ASIC2: variants seen among roughly 807,000 people sequenced by gnomAD.
ASIC2 encodes the protein acid sensing ion channel subunit 2, also known as acid-sensing ion channel 2.
Under a neutral mutation model 57.3 loss-of-function variants are expected in ASIC2, and 25 were observed. The observed-to-expected ratio is 0.44, with a 90% confidence interval of 0.32 to 0.61. The LOEUF (loss-of-function observed/expected upper bound fraction) is 0.61, where lower values mean the gene tolerates loss of function less well. ASIC2 is among the 20% of genes least tolerant of loss of function. The pLI is 0.06. For synonymous variants in ASIC2, 319 were observed against 307.5 expected, an observed-to-expected ratio of 1.04 and a Z score of -0.39; for missense variants, 641 against 738.1, an observed-to-expected ratio of 0.87 and a Z score of 1.52.
intron 1 of ASIC2, among the ~76,000 whole-genome samples, chr17:33,837,453 T>A (rs939310830): frequency 5.3e-5 from 8 of 152,262 alleles, no homozygotes; most frequent in Admixed American, 1.3e-4. Flanking sequence ...GTGCTCACTG[T>A]AATTTAGCCC....
chr17:33,563,799 C>CT (rs796886723), intron 1 of ASIC2, among the ~76,000 whole-genome samples: 58 of 152,298 alleles, frequency 3.8e-4, no homozygotes, highest in African/African-American at 1.4e-3. Context: ...CCAAGCCCAT[C>CT]TGTAGCAAAG....
chr17:33,740,429 G>A lies in ASIC2; in HGVS notation c.555+415549C>T, dbSNP rs1053265193. Among the ~76,000 whole-genome samples, 3 of 152,146 alleles carry A rather than the reference G, an allele frequency of 2.0e-5. No homozygotes were observed. In the South Asian group the frequency reaches 6.2e-4, roughly 32 times the overall value. The stretch of plus-strand genomic sequence containing the variant: ...TATGGCAGCAGGAAGAAAAAGTGCT[G>A]AGCAAAAAGGGGAAAAGCCTCTTAT... On this transcript the variant is annotated intron_variant, in intron 1 of 9. Coordinates refer to the ASIC2 transcript ENST00000359872.
intron 1 of ASIC2, among the ~76,000 whole-genome samples, chr17:33,258,511 G>A (rs1909158753): frequency 1.3e-5 from 2 of 152,198 alleles, no homozygotes; most frequent in African/African-American, 2.4e-5. Flanking sequence ...TCTAAATGAA[G>A]TGAGGGAGCG....
chr17:33,486,023 A>T (rs1913564947), intron 1 of ASIC2, among the ~76,000 whole-genome samples: 1 of 152,068 alleles, frequency 6.6e-6, no homozygotes, highest in Non-Finnish European at 1.5e-5. Context: ...CCTATAGCTC[A>T]CTGCTTCACC....
chr17:33,985,396 C>T (rs144988513), intron 1 of ASIC2, among the ~76,000 whole-genome samples: 91 of 152,268 alleles, frequency 6.0e-4, no homozygotes, highest in African/African-American at 1.3e-3. Context: ...AATGTGTCCT[C>T]GGAGTGTCCA....
At chr17:33,889,591 T>C (rs1298451958) in intron 1 of ASIC2, among the ~76,000 whole-genome samples, 5 of 152,196 alleles carry the variant, frequency 3.3e-5, no homozygotes, top group Non-Finnish European at 1.5e-5. Context: ...AGAAGGAGCT[T>C]AGCTTCTCAC....
intron 1 of ASIC2, among the ~76,000 whole-genome samples, chr17:33,691,567 T>C (rs577029999): frequency 6.6e-6 from 1 of 152,348 alleles, no homozygotes; most frequent in East Asian, 1.9e-4. Context: ...GGATTGTTGG[T>C]CTTTTTCTTG....
chr17:33,023,489 CAA>C (rs34453291), intron 6 of ASIC2, among the ~76,000 whole-genome samples: 32 of 124,462 alleles, frequency 2.6e-4, no homozygotes, highest in Admixed American at 4.2e-4. Context: ...GGCTCCATCT[CAA>C]AAAAAAAAAA....
chr17:34,073,957 C>T (rs1302589313), intron 1 of ASIC2, among the ~76,000 whole-genome samples: 1 of 152,182 alleles, frequency 6.6e-6, no homozygotes, highest in African/African-American at 2.4e-5. Flanking sequence ...ATGTCTCTCT[C>T]CAACTGGACT....
At chr17:33,639,761 GAAAA>G (rs3032192) in intron 1 of ASIC2, among the ~76,000 whole-genome samples, 1 of 125,110 alleles carries the variant, frequency 8.0e-6, no homozygotes, top group Non-Finnish European at 1.6e-5. Context: ...CTCAGGTTAA[GAAAA>G]AAAAAAAAAA....
rs148236435 is a variant in ASIC2, at chr17:33,876,892, TC to T, written c.555+279085del. On this transcript the variant is annotated intron_variant, in intron 1 of 9. Coordinates refer to the ASIC2 transcript ENST00000359872. ...AGGAACCCGTGCATTACGGATGGAA[TC>T]TGAGTTTGGCACGCGTTCAGGTTAC... Among the ~76,000 whole-genome samples, 122 of 152,296 alleles carry T rather than the reference TC, an allele frequency of 8.0e-4. 1 individual carries two copies. The highest frequency in any genetic ancestry group is 2.9e-3 in the African/African-American group (120 of 41,572).
At chr17:33,752,399 G>T (rs1176477582) in intron 1 of ASIC2, among the ~76,000 whole-genome samples, 1 of 151,900 alleles carries the variant, frequency 6.6e-6, no homozygotes, top group East Asian at 1.9e-4. Context: ...GTCAAAAGGT[G>T]GGGTGGTTAG....
At chr17:34,020,509 AG>A (rs747893337) in intron 1 of ASIC2, among the ~76,000 whole-genome samples, 42 of 152,332 alleles carry the variant, frequency 2.8e-4, no homozygotes, top group Non-Finnish European at 4.6e-4. Flanking sequence ...TCTTGAAAGC[AG>A]GGAACTTTCT....
At chr17:33,319,371 A>G (rs897308677) in intron 1 of ASIC2, among the ~76,000 whole-genome samples, 48 of 152,230 alleles carry the variant, frequency 3.2e-4, no homozygotes, top group African/African-American at 1.1e-3. Flanking sequence ...GCTGCCCAGG[A>G]CAATCTATTG....
chr17:33,412,634 T>G (rs1385308934), intron 1 of ASIC2, among the ~76,000 whole-genome samples: 1 of 152,174 alleles, frequency 6.6e-6, no homozygotes, highest in Admixed American at 6.5e-5. Context: ...TTCTCTGTTT[T>G]TTCTGTGGCC....
At chr17:33,064,829 T>C (rs2092036414) in intron 3 of ASIC2, among the ~76,000 whole-genome samples, 1 of 152,254 alleles carries the variant, frequency 6.6e-6, no homozygotes, top group Non-Finnish European at 1.5e-5. Flanking sequence ...AAACTCAGTA[T>C]GTCTTTTGGT....
chr17:33,362,000 G>A (rs1908626917), intron 1 of ASIC2, among the ~76,000 whole-genome samples: 1 of 152,130 alleles, frequency 6.6e-6, no homozygotes. Flanking sequence ...ATTTAATTAA[G>A]AGAAAAATTT....
chr17:33,455,908 G>A (rs1392943230), intron 1 of ASIC2, among the ~76,000 whole-genome samples: 1 of 152,162 alleles, frequency 6.6e-6, no homozygotes, highest in South Asian at 2.1e-4. Context: ...AGCAGGAGGG[G>A]GCTTTACAGG....
intron 1 of ASIC2, among the ~76,000 whole-genome samples, chr17:33,283,311 G>A (rs1169058826): frequency 1.3e-5 from 2 of 149,914 alleles, no homozygotes; most frequent in East Asian, 1.9e-4. Context: ...CCACAGCCCT[G>A]TCTCTCAAAG....
Sources: allele counts gnomAD v4.1 joint callset (sites outside exome capture counted in the v4.1 genomes callset), GRCh38; gene constraint gnomAD v4.1.1; transcripts MANE v1.5; gene names NCBI Gene and HGNC (gene_info 2026-07-23, HGNC 2026-07-21).